Variants in PTPRJ observed in about 807,000 individuals in gnomAD.
The protein encoded by PTPRJ is protein tyrosine phosphatase receptor type J.
A neutral mutation model predicts 141.3 loss-of-function variants in PTPRJ; 129 were observed. That is an observed-to-expected ratio of 0.91 (90% confidence interval 0.79 to 1.06). PTPRJ has a LOEUF of 1.06. PTPRJ is among the 50% of genes least tolerant of loss of function. The probability of loss-of-function intolerance (pLI) is 0.00; values close to 1 mark genes in which losing one functional copy is unlikely to be tolerated. For synonymous variants in PTPRJ, 610 were observed against 640.5 expected (o/e 0.95, Z 0.72); for missense variants, 1,601 against 1,679.7 (o/e 0.95, Z 0.82).
intron 1 of PTPRJ, among the ~76,000 whole-genome samples, chr11:48,013,821 C>A (rs868626952): frequency 6.6e-6 from 1 of 152,306 alleles, no homozygotes; most frequent in East Asian, 1.9e-4. Context: ...CTCCCCTACC[C>A]ACTTCAAAGA....
intron 8 of PTPRJ, among the ~76,000 whole-genome samples, chr11:48,134,751 C>T (rs1044588786): frequency 1.3e-5 from 2 of 152,134 alleles, no homozygotes; most frequent in East Asian, 3.9e-4. Context: ...TACTTCCGGG[C>T]CTCTATGTAG....
chr11:48,161,744 C>T (rs536043706), intron 22 of PTPRJ, among the ~76,000 whole-genome samples: 1 of 152,254 alleles, frequency 6.6e-6, no homozygotes, highest in Non-Finnish European at 1.5e-5. Flanking sequence ...TCCTGAGTAG[C>T]TGGGACTACA....
At chr11:48,010,533 TTTATTA>T (rs1308370278) in intron 1 of PTPRJ, among the ~76,000 whole-genome samples, 1 of 151,670 alleles carries the variant, frequency 6.6e-6, no homozygotes, top group Non-Finnish European at 1.5e-5. Flanking sequence ...GAGTTAGGCT[TTTATTA>T]TTATTATTAT....
In PTPRJ at chr11:48,144,732, C is replaced by G. The variant is rs1449567968; in HGVS notation, c.2633C>G (p.Ala878Gly). The G allele has an allele frequency of 3.7e-6, 6 of 1,614,024 alleles. No individual in the cohort carries two copies. The African/African-American group carries it at 5.3e-5, about 14-fold the overall frequency. ...ACGTATGAGGATTTCAAAAAGGGAG[C>G]CTCAGATACTTATGTGACATACCTC... ...KYTYEDFKKGASDTYVTYLIR... is the reference protein window; with the variant it reads ...KYTYEDFKKGGSDTYVTYLIR... The change falls in exon 13 of 25, where the codon GCC becomes GGC. Residue 878 changes from alanine to glycine, a missense_variant. Physicochemically the swap from Ala to Gly is moderately conservative, Grantham distance 60. Coordinates refer to ENST00000418331, the MANE Select transcript of PTPRJ (RefSeq NM_002843.4).
At chr11:48,050,196 T>G (rs1011315285) in intron 1 of PTPRJ, among the ~76,000 whole-genome samples, 1 of 152,240 alleles carries the variant, frequency 6.6e-6, no homozygotes, top group Non-Finnish European at 1.5e-5. Context: ...TTTTTACACA[T>G]GACTAGTAAA....
intron 1 of PTPRJ, among the ~76,000 whole-genome samples, chr11:48,035,538 CTTTTTTTTTTTTTTT>C (rs66504227): frequency 6.5e-5 from 4 of 61,740 alleles, no homozygotes; most frequent in Non-Finnish European, 1.2e-4. Context: ...CTTTCTTCTT[CTTTTTTTTTTTTTTT>C]TTTTTTTTTT....
At chr11:48,136,415 A>G in intron 9 of PTPRJ, 119 bp downstream of exon 9, 1 of 1,256,814 alleles carries the variant, frequency 8.0e-7, no homozygotes, top group Non-Finnish European at 1.1e-6. Flanking sequence ...AAACTGCTGA[A>G]GTTGAAAACA....
intron 11 of PTPRJ, among the ~76,000 whole-genome samples, chr11:48,140,769 A>G (rs950475651): frequency 1.3e-5 from 2 of 152,254 alleles, no homozygotes; most frequent in Non-Finnish European, 2.9e-5. Context: ...TGGTATTAAT[A>G]GCATTTTACT....
chr11:48,035,465 G>C (rs1364279697), intron 1 of PTPRJ, among the ~76,000 whole-genome samples: 2 of 151,434 alleles, frequency 1.3e-5, no homozygotes, highest in African/African-American at 4.8e-5. Flanking sequence ...CCCCCGGGAT[G>C]ATGGGTGGGG....
At chr11:48,097,053 A>C (rs1027870772) in intron 1 of PTPRJ, among the ~76,000 whole-genome samples, 2 of 152,126 alleles carry the variant, frequency 1.3e-5, no homozygotes, top group Non-Finnish European at 2.9e-5. Context: ...CCATTCAGCC[A>C]GACCCCCTGC....
intron 1 of PTPRJ, among the ~76,000 whole-genome samples, chr11:48,109,295 AT>A (rs1201156255): frequency 8.2e-5 from 12 of 146,686 alleles, no homozygotes; most frequent in Admixed American, 1.4e-4. Context: ...AAAAAAAAAA[AT>A]CTTATTCACC....
intron 1 of PTPRJ, among the ~76,000 whole-genome samples, chr11:48,092,093 C>T (rs1045985624): frequency 3.3e-5 from 5 of 151,616 alleles, no homozygotes; most frequent in African/African-American, 7.3e-5. Flanking sequence ...CTCAGGAGTT[C>T]GAGACCAGCC....
chr11:48,142,387 A>G (rs1857252269), intron 11 of PTPRJ, among the ~76,000 whole-genome samples: 1 of 151,924 alleles, frequency 6.6e-6, no homozygotes, highest in African/African-American at 2.4e-5. Flanking sequence ...AAAAATTGCC[A>G]TTGGGATTTT....
chr11:48,121,081 C>T lies in PTPRJ; in HGVS notation c.431C>T (p.Thr144Ile), dbSNP rs1352485747. ...NVILTWKSND[T>I]AASEYKYVVK... ...ATCTTAACTTGGAAAAGTAATGACA[C>T]AGCTGCTTCTGAGTACAAGTATGTA... Residue 144 changes from threonine (T) to isoleucine (I), a missense_variant, in exon 4 of 25, where the codon ACA becomes ATA. Transcript: ENST00000418331. 1 of 1,613,638 alleles carries T rather than the reference C, an allele frequency of 6.2e-7. No individual in the cohort carries two copies. The highest frequency in any genetic ancestry group is 8.5e-7 in the Non-Finnish European group (1 of 1,179,854).
In PTPRJ at chr11:48,117,315, C is replaced by T. The variant is rs369944965; in HGVS notation, c.353-3688C>T. On this transcript the variant is annotated intron_variant, in intron 3 of 24. Transcript: ENST00000418331. The stretch of plus-strand genomic sequence containing the variant: ...CAGAACTTTGGGAGGCCGAGATGGG[C>T]GGATCACTTGAGGTCAGGAGTTCGA... Among the ~76,000 whole-genome samples, 11 of 151,918 alleles carry T rather than the reference C, an allele frequency of 7.2e-5. No individual in the cohort carries two copies. The East Asian group carries it at 1.5e-3, about 21-fold the overall frequency.
chr11:48,088,197 T>C (rs1258790166), intron 1 of PTPRJ, among the ~76,000 whole-genome samples: 2 of 152,220 alleles, frequency 1.3e-5, no homozygotes, highest in Admixed American at 1.3e-4. Context: ...TGTCCCCTTC[T>C]TGGAGACCCA....
intron 1 of PTPRJ, among the ~76,000 whole-genome samples, chr11:48,067,990 A>G (rs1032076109): frequency 2.0e-5 from 3 of 152,240 alleles, no homozygotes; most frequent in African/African-American, 7.2e-5. Flanking sequence ...TGCTAATTAT[A>G]TGACTGGGCC....
chr11:48,095,576 A>G (rs1268340000), intron 1 of PTPRJ, among the ~76,000 whole-genome samples: 2 of 139,822 alleles, frequency 1.4e-5, no homozygotes, highest in East Asian at 2.1e-4. Context: ...TATCAAACAT[A>G]TACTTTTTTT....
chr11:48,015,105 T>C (rs926000528), intron 1 of PTPRJ, among the ~76,000 whole-genome samples: 1 of 152,000 alleles, frequency 6.6e-6, no homozygotes, highest in African/African-American at 2.4e-5. Context: ...GTCATCAAAT[T>C]GCAAGGGGAG....
Sources: allele counts gnomAD v4.1 joint callset (sites outside exome capture counted in the v4.1 genomes callset), GRCh38; gene constraint gnomAD v4.1.1; transcripts MANE v1.5; gene names NCBI Gene and HGNC (gene_info 2026-07-23, HGNC 2026-07-21).